G3BP2: variants seen among roughly 807,000 people sequenced by gnomAD.
G3BP2 encodes G3BP stress granule assembly factor 2, also known as ras GTPase-activating protein-binding protein 2.
Under a neutral mutation model 56.7 loss-of-function variants are expected in G3BP2, and 11 were observed. The observed-to-expected ratio is 0.19, with a 90% CI of 0.12 to 0.32. The LOEUF is 0.32. G3BP2 is among the 10% of genes least tolerant of loss of function. The pLI, the probability that G3BP2 is intolerant of heterozygous loss-of-function variation, is 1.00. For synonymous variants in G3BP2, 165 were observed against 191.6 expected (o/e 0.86, Z 1.15); for missense variants, 340 against 610.9 (o/e 0.56, Z 4.67).
chr4:75,662,065 C>T lies in G3BP2; in HGVS notation c.-24-16G>A, dbSNP rs2149001063. ...ATGTCAAATGCTGAGGGAGCAAACA[C>T]AAGAATAACTATTAAAAAGTCATCT... is the stretch of plus-strand genomic sequence containing the variant. On this transcript the variant is annotated splice_polypyrimidine_tract_variant and intron_variant, in intron 1 of 11. Coordinates refer to ENST00000359707, the MANE Select transcript of G3BP2 (RefSeq NM_203505.3). The T allele has an allele frequency of 3.0e-6, 4 of 1,328,068 alleles. No individual in the cohort carries two copies. Among genetic ancestry groups the T allele is most frequent in the Non-Finnish European group, 4.3e-6 (4 of 933,386 alleles). 82.3% of individuals were successfully genotyped at this position (1,328,068 alleles called of 1,614,324 possible). A position where few individuals can be genotyped will look rare whatever the true frequency, so the allele number is the denominator to read the frequency against.
chr4:75,649,583 A>G (rs1432641390), intron 8 of G3BP2, among the ~76,000 whole-genome samples: 2 of 152,184 alleles, frequency 1.3e-5, no homozygotes, highest in Non-Finnish European at 2.9e-5. Flanking sequence ...CATTTTCAGT[A>G]TTCCCAACCT....
intron 1 of G3BP2, among the ~76,000 whole-genome samples, chr4:75,671,569 T>G (rs1246967936): frequency 6.6e-6 from 1 of 152,240 alleles, no homozygotes; most frequent in African/African-American, 2.4e-5. Flanking sequence ...TCTGGTTCAC[T>G]CTTGATGTTT....
At chr4:75,708,486 C>T (rs1243317550) in intron 3 of G3BP2, among the ~76,000 whole-genome samples, 2 of 152,198 alleles carry the variant, frequency 1.3e-5, no homozygotes, top group African/African-American at 2.4e-5. Context: ...CCCAGCTCAG[C>T]TGTAGACTAG....
intron 3 of G3BP2, among the ~76,000 whole-genome samples, chr4:75,704,026 CT>C (rs1164490779): frequency 1.6e-4 from 18 of 115,146 alleles, no homozygotes; most frequent in South Asian, 5.7e-4. Context: ...TTTTTTTTTT[CT>C]TTTTTTTTTT....
intron 3 of G3BP2, among the ~76,000 whole-genome samples, chr4:75,684,568 C>T (rs1243836473): frequency 6.6e-6 from 1 of 151,978 alleles, no homozygotes; most frequent in African/African-American, 2.4e-5. Flanking sequence ...CTATGTTGCC[C>T]AGGCTGGAGT....
At chr4:75,646,031 T>A (rs1731187499) in intron 11 of G3BP2, among the ~76,000 whole-genome samples, 1 of 152,058 alleles carries the variant, frequency 6.6e-6, no homozygotes, top group African/African-American at 2.4e-5. Context: ...GGTCTTGAAC[T>A]CTCCTGGGCT....
chr4:75,669,211 C>G (rs1733292032), intron 1 of G3BP2, among the ~76,000 whole-genome samples: 1 of 152,168 alleles, frequency 6.6e-6, no homozygotes, highest in South Asian at 2.1e-4. Flanking sequence ...ACCATAAGTT[C>G]AAATTTTACA....
At chr4:75,681,939 G>A (rs1032563186) in intron 3 of G3BP2, among the ~76,000 whole-genome samples, 2 of 151,998 alleles carry the variant, frequency 1.3e-5, no homozygotes, top group Non-Finnish European at 2.9e-5. Flanking sequence ...AGGGTTACCT[G>A]AACACAAACA....
intron 1 of G3BP2, among the ~76,000 whole-genome samples, chr4:75,666,004 C>T (rs1335837390): frequency 6.6e-6 from 1 of 152,096 alleles, no homozygotes; most frequent in East Asian, 1.9e-4. Flanking sequence ...CCCAAATTTC[C>T]CATCATATTC....
At chr4:75,704,819 G>T (rs1719482014) in intron 3 of G3BP2, among the ~76,000 whole-genome samples, 1 of 151,932 alleles carries the variant, frequency 6.6e-6, no homozygotes, top group Non-Finnish European at 1.5e-5. Context: ...TTTTAGTAGA[G>T]ACGGGGTTTT....
chr4:75,718,435 C>G (rs974430899), intron 3 of G3BP2, among the ~76,000 whole-genome samples: 6 of 152,038 alleles, frequency 3.9e-5, no homozygotes, highest in African/African-American at 1.4e-4. Flanking sequence ...AGAACTTATG[C>G]TAGCATACAC....
intron 3 of G3BP2, among the ~76,000 whole-genome samples, chr4:75,688,381 AAGT>A (rs1184602973): frequency 1.3e-5 from 2 of 152,128 alleles, no homozygotes; most frequent in Non-Finnish European, 2.9e-5. Context: ...AACATCAGGG[AAGT>A]AGTATCCAGT....
In G3BP2 at chr4:75,673,393, G is replaced by C. The variant is rs569154772; in HGVS notation, c.-210C>G. On this transcript the variant is annotated 5_prime_UTR_variant, in exon 1 of 12. Transcript: ENST00000359707. ...TCCCGGGCGCCAGGCGCTGCGACGT[G>C]CGACAAGGACCACGGACGTCCCGCC... is the stretch of plus-strand genomic sequence containing the variant. 21 of 1,232,222 alleles carry C rather than the reference G, an allele frequency of 1.7e-5. No individual in the cohort carries two copies. Among genetic ancestry groups the C allele is most frequent in the East Asian group, 6.3e-5 (2 of 31,702 alleles). 76.3% of individuals were successfully genotyped at this position (1,232,222 alleles called of 1,614,324 possible).
intron 3 of G3BP2, among the ~76,000 whole-genome samples, chr4:75,718,481 C>T (rs1265927407): frequency 6.6e-6 from 1 of 152,070 alleles, no homozygotes; most frequent in Non-Finnish European, 1.5e-5. Flanking sequence ...TCAAAAAAAA[C>T]TGGCAAGCAG....
chr4:75,709,130 C>G (rs933856404), intron 3 of G3BP2, among the ~76,000 whole-genome samples: 7 of 145,908 alleles, frequency 4.8e-5, no homozygotes, highest in Admixed American at 4.1e-4. Context: ...AACAACAAAA[C>G]AACCAGCCAG....
chr4:75,678,866 CT>C (rs1458340527), intron 3 of G3BP2, among the ~76,000 whole-genome samples: 1 of 152,170 alleles, frequency 6.6e-6, no homozygotes, highest in Non-Finnish European at 1.5e-5. Flanking sequence ...TTAACAGTGT[CT>C]GGCACATGGT....
intron 3 of G3BP2, among the ~76,000 whole-genome samples, chr4:75,698,415 C>T (rs1443899403): frequency 6.6e-6 from 1 of 152,180 alleles, no homozygotes; most frequent in Non-Finnish European, 1.5e-5. Context: ...GCCCTGCTGA[C>T]ACCTAGAGGT....
chr4:75,702,635 G>A (rs1451504194), intron 3 of G3BP2, among the ~76,000 whole-genome samples: 1 of 152,222 alleles, frequency 6.6e-6, no homozygotes, highest in Non-Finnish European at 1.5e-5. Flanking sequence ...ATAGAAGCAA[G>A]CATTATGCAT....
At chr4:75,698,610 C>T (rs1273573958) in intron 3 of G3BP2, among the ~76,000 whole-genome samples, 2 of 152,268 alleles carry the variant, frequency 1.3e-5, no homozygotes, top group South Asian at 2.1e-4. Context: ...TCTGAGCTTT[C>T]CTCAAATCTC....
Sources: allele counts gnomAD v4.1 joint callset (sites outside exome capture counted in the v4.1 genomes callset), GRCh38; gene constraint gnomAD v4.1.1; transcripts MANE v1.5; gene names NCBI Gene and HGNC (gene_info 2026-07-23, HGNC 2026-07-21).